Variants in FRA10AC1 observed in about 807,000 individuals in gnomAD.
FRA10AC1 encodes protein FRA10AC1.
FRA10AC1 carries 43 observed loss-of-function variants against 56.5 expected under a neutral mutation model. That is an observed-to-expected ratio of 0.76 (90% CI 0.60 to 0.98). FRA10AC1 has a LOEUF of 0.98. Among genes scored for constraint, FRA10AC1 ranks in the 50% least tolerant of loss-of-function variants. FRA10AC1 has a pLI of 0.00. For synonymous variants in FRA10AC1, 112 were observed against 110.5 expected (o/e 1.01, Z -0.09); for missense variants, 346 against 351.8 (o/e 0.98, Z 0.13).
chr10:93,692,714 T>C lies in FRA10AC1; in HGVS notation c.312A>G (p.Thr104=). The C allele has an allele frequency of 6.3e-7, 1 of 1,581,254 alleles. No homozygotes were observed. The highest frequency in any genetic ancestry group is 1.7e-4 in the Middle Eastern group (1 of 5,978). The change falls in exon 6 of 14, where the codon ACA becomes ACG. Residue 104 remains threonine (T), a synonymous_variant. Coordinates refer to ENST00000359204, the MANE Select transcript of FRA10AC1 (RefSeq NM_145246.5). ...GATTTTCTCGTATAACATCCAAGTC[T>C]GTCTTGTCATTTTCCCTGGAAAACA... ...DFKRLGENDK[T]DLDVIRENHR...
intron 12 of FRA10AC1, 146 bp downstream of exon 12, chr10:93,676,507 C>G: frequency 8.0e-7 from 1 of 1,249,266 alleles, no homozygotes; most frequent in Admixed American, 4.0e-5. Context: ...ACACTTTTGG[C>G]CTTTTTTCTA....
chr10:93,670,671 G>C, intron 13 of FRA10AC1, 99 bp downstream of exon 13: 1 of 757,300 alleles, frequency 1.3e-6, no homozygotes, highest in Non-Finnish European at 2.2e-6. Context: ...GCATTAAATA[G>C]ATCACCATGA....
chr10:93,681,776 T>C (rs915465048), intron 10 of FRA10AC1, among the ~76,000 whole-genome samples, 178 bp from the exon 11 acceptor site: 1 of 152,098 alleles, frequency 6.6e-6, no homozygotes, highest in Non-Finnish European at 1.5e-5. Context: ...TTAATTAAAA[T>C]CATTCTATAA....
rs2058709781 is a variant in FRA10AC1 at position 93,668,228 on chromosome 10, G to A, written c.*1598C>T. The A allele has an allele frequency of 2.0e-5, 3 of 152,022 alleles. No homozygotes were observed. Among genetic ancestry groups the A allele is most frequent in the South Asian group, 2.1e-4 (1 of 4,828 alleles). The allele number at this position is 152,022 out of a possible 1,614,324, so 9.4% of individuals were successfully genotyped here. A position where few individuals can be genotyped will look rare whatever the true frequency, so the allele number is the denominator to read the frequency against. ...TATCTTCAATAAAATACTTGCTTATGTTCAGTTCATTTTCTATATGTCCTT... is the reference window on the plus strand; with the variant it reads ...TATCTTCAATAAAATACTTGCTTATATTCAGTTCATTTTCTATATGTCCTT... On this transcript the variant is annotated 3_prime_UTR_variant, in exon 14 of 14. Coordinates refer to ENST00000359204, the MANE Select transcript of FRA10AC1 (RefSeq NM_145246.5).
At chr10:93,701,730 AAGC>A in intron 1 of FRA10AC1, among the ~76,000 whole-genome samples, 1 of 152,062 alleles carries the variant, frequency 6.6e-6, no homozygotes, top group Non-Finnish European at 1.5e-5. Flanking sequence ...ACATCTGTTC[AAGC>A]CATATTGTCC....
intron 8 of FRA10AC1, among the ~76,000 whole-genome samples, chr10:93,685,989 T>C (rs186762898): frequency 7.6e-4 from 116 of 151,788 alleles, no homozygotes; most frequent in African/African-American, 2.7e-3. Flanking sequence ...CATTACCATG[T>C]CCACAATATA....
intron 9 of FRA10AC1, among the ~76,000 whole-genome samples, 176 bp downstream of exon 9, chr10:93,685,070 T>TAAAAATGTA (rs1334713343): frequency 6.6e-6 from 1 of 152,146 alleles, no homozygotes; most frequent in Non-Finnish European, 1.5e-5. Context: ...ACTGTAATGC[T>TAAAAATGTA]AAAAATGTAA....
At position 93,681,699 on chromosome 10, in the gene FRA10AC1, AT is replaced by A. The variant is rs543481815; in HGVS notation, c.669-102del. ...AAAACCAAAATCAGTTAAAATACTT[AT>A]TTTTTAAATGTGATTTATATAATAA... On this transcript the variant is annotated intron_variant, in intron 10 of 13. Coordinates refer to ENST00000359204, the MANE Select transcript of FRA10AC1 (RefSeq NM_145246.5). 9.3e-4 allele frequency: 984 copies of A among 1,061,340 alleles called. 16 individuals carry two copies. The East Asian group carries it at 0.021, about 23-fold the overall frequency. 65.7% of individuals were successfully genotyped at this position (1,061,340 alleles called of 1,614,324 possible).
At chr10:93,697,965 T>C (rs545581377) in intron 4 of FRA10AC1, among the ~76,000 whole-genome samples, 171 bp downstream of exon 4, 2 of 152,264 alleles carry the variant, frequency 1.3e-5, no homozygotes, top group Admixed American at 6.5e-5. Context: ...TTCCTATATA[T>C]TAGTAAAAGA....
chr10:93,691,326 C>A (rs747210), intron 7 of FRA10AC1, among the ~76,000 whole-genome samples: 6 of 151,954 alleles, frequency 3.9e-5, no homozygotes, highest in African/African-American at 1.2e-4. Flanking sequence ...TAGGCATGCA[C>A]CACTGCACCT....
At chr10:93,670,907 T>G in intron 12 of FRA10AC1, 59 bp from the exon 13 acceptor site, 5 of 1,118,204 alleles carry the variant, frequency 4.5e-6, no homozygotes, top group Non-Finnish European at 6.7e-6. Context: ...ACATTTTGAA[T>G]TATTCGCCAA....
rs1377289162 is a variant in FRA10AC1, at chr10:93,681,535, T to G, written c.732A>C (p.Ser244=). 8 of 1,581,022 alleles carry G rather than the reference T, an allele frequency of 5.1e-6. No homozygotes were observed. The highest frequency in any genetic ancestry group is 6.8e-6 in the Non-Finnish European group (8 of 1,168,214). The change falls in exon 11 of 14, where the codon TCA becomes TCC. Residue 244 remains serine (S), a synonymous_variant. Transcript: ENST00000359204. ...DKTKKDCEES[S]HKKSRLSSAE... is the part of the protein sequence containing the mutation. The stretch of plus-strand genomic sequence containing the variant: ...CAGAAGATAATCTGGATTTTTTATG[T>G]GATGACTCTTCACAGTCTTTTTTGG...
chr10:93,686,589 T>C (rs1280725550), intron 8 of FRA10AC1, among the ~76,000 whole-genome samples: 3 of 151,872 alleles, frequency 2.0e-5, no homozygotes, highest in African/African-American at 7.2e-5. Context: ...TTTTCCTTAA[T>C]GTTGTTTTAT....
At chr10:93,685,409 T>C (rs776622358) in intron 8 of FRA10AC1, 50 bp from the exon 9 acceptor site, 29 of 839,302 alleles carry the variant, frequency 3.5e-5, no homozygotes, top group South Asian at 2.9e-4. Flanking sequence ...ATAATATTTA[T>C]CTATATGATC....
intron 8 of FRA10AC1, among the ~76,000 whole-genome samples, chr10:93,687,193 A>C (rs2059044456): frequency 6.6e-6 from 1 of 151,850 alleles, no homozygotes; most frequent in African/African-American, 2.4e-5. Flanking sequence ...CATTCAACTG[A>C]ATGTTCTAAA....
chr10:93,670,057 AGATT>A (rs1037024219), intron 13 of FRA10AC1, among the ~76,000 whole-genome samples, 189 bp from the exon 14 acceptor site: 5 of 152,154 alleles, frequency 3.3e-5, no homozygotes, highest in African/African-American at 1.2e-4. Flanking sequence ...AACTATACCC[AGATT>A]GATTAAAATA....
At chr10:93,695,744 A>G (rs76837845) in intron 4 of FRA10AC1, among the ~76,000 whole-genome samples, 11 of 152,110 alleles carry the variant, frequency 7.2e-5, no homozygotes, top group Middle Eastern at 6.8e-3. Context: ...AAAAAAAAAA[A>G]AGAGAGAGAC....
At chr10:93,676,619 G>A in intron 12 of FRA10AC1, 34 bp downstream of exon 12, 1 of 1,536,104 alleles carries the variant, frequency 6.5e-7, no homozygotes, top group South Asian at 1.3e-5. Flanking sequence ...TACCTCAAAT[G>A]CATATTTTTA....
At chr10:93,692,603 G>A (rs942697622) in intron 6 of FRA10AC1, 43 bp downstream of exon 6, 2 of 1,244,012 alleles carry the variant, frequency 1.6e-6, no homozygotes, top group African/African-American at 1.5e-5. Context: ...AGGAGAAACA[G>A]GACTAAAGCA....
Sources: gnomAD v4.1 joint callset for allele counts (sites outside exome capture counted in the v4.1 genomes callset) on GRCh38, gnomAD v4.1.1 for gene constraint, MANE v1.5 for transcripts, NCBI Gene and HGNC (gene_info 2026-07-23, HGNC 2026-07-21) for gene names.